SYNE1: variants seen among roughly 807,000 people sequenced by gnomAD.
SYNE1 encodes the protein spectrin repeat containing nuclear envelope protein 1, also known as nesprin-1.
In SYNE1, 616 loss-of-function variants were observed where a neutral mutation model predicts 1,111.0. The ratio of observed to expected loss-of-function variants is 0.55; its 90% CI spans 0.52 to 0.59. The LOEUF is 0.59. Among genes scored for constraint, SYNE1 ranks in the 20% least tolerant of loss-of-function variants. The pLI, the probability that SYNE1 is intolerant of heterozygous loss-of-function variation, is 0.00. For missense variants in SYNE1, 10,006 were observed against 10,417.0 expected (o/e 0.96, Z 1.72); for synonymous variants, 3,855 against 3,825.8 (o/e 1.01, Z -0.28).
chr6:152,375,383 C>T (rs866100124), intron 58 of SYNE1, among the ~76,000 whole-genome samples: 13 of 152,276 alleles, frequency 8.5e-5, no homozygotes, highest in South Asian at 8.3e-4. Flanking sequence ...ACTTCAAGCA[C>T]GAGTGCTTAC....
intron 59 of SYNE1, among the ~76,000 whole-genome samples, chr6:152,371,590 G>GGGGAGGAGAGGAGAGGGGAAA (rs1331574136): frequency 7.3e-6 from 1 of 137,080 alleles, no homozygotes; most frequent in Non-Finnish European, 1.6e-5. Flanking sequence ...TGAGAGGGGA[G>GGGGAGGAGAGGAGAGGGGAAA]GGGAGGAGAG....
chr6:152,166,103 T>C (rs2153043825), intron 130 of SYNE1, among the ~76,000 whole-genome samples: 1 of 152,326 alleles, frequency 6.6e-6, no homozygotes, highest in Admixed American at 6.5e-5. Flanking sequence ...GGGATGGTAA[T>C]GTCATCAGGG....
At chr6:152,563,938 A>G (rs1329936173) in intron 3 of SYNE1, among the ~76,000 whole-genome samples, 2 of 151,908 alleles carry the variant, frequency 1.3e-5, no homozygotes, top group African/African-American at 4.9e-5. Flanking sequence ...AGAGAATCAC[A>G]CCATTTTTTT....
At chr6:152,521,263 CT>C (rs2099137785) in intron 5 of SYNE1, among the ~76,000 whole-genome samples, 1 of 152,112 alleles carries the variant, frequency 6.6e-6, no homozygotes, top group Non-Finnish European at 1.5e-5. Flanking sequence ...TACTCTTCTT[CT>C]GATATGAATG....
intron 106 of SYNE1, among the ~76,000 whole-genome samples, chr6:152,243,876 G>T (rs186014897): frequency 8.9e-4 from 136 of 152,182 alleles, no homozygotes; most frequent in Non-Finnish European, 2.5e-4. Context: ...AATTTTGTTG[G>T]TCTAATATCC....
At chr6:152,423,839 G>C (rs559464700) in intron 39 of SYNE1, among the ~76,000 whole-genome samples, 4 of 152,038 alleles carry the variant, frequency 2.6e-5, no homozygotes, top group Admixed American at 2.6e-4. Flanking sequence ...TGCCATTTTT[G>C]CTCCCTTTGC....
chr6:152,429,842 G>T (rs1306822287), intron 36 of SYNE1, among the ~76,000 whole-genome samples: 1 of 152,084 alleles, frequency 6.6e-6, no homozygotes, highest in Non-Finnish European at 1.5e-5. Context: ...TTAAAGCTAA[G>T]CTCTAAAAAT....
intron 55 of SYNE1, among the ~76,000 whole-genome samples, chr6:152,382,025 C>T (rs1268066546): frequency 6.6e-6 from 1 of 152,130 alleles, no homozygotes; most frequent in Non-Finnish European, 1.5e-5. Context: ...AGAAATTTAA[C>T]AGTTTAGCTA....
At chr6:152,427,844 T>C in intron 37 of SYNE1, 28 bp from the exon 38 acceptor site, 1 of 1,613,778 alleles carries the variant, frequency 6.2e-7, no homozygotes, top group Non-Finnish European at 8.5e-7. Flanking sequence ...CAGAAACAAA[T>C]TTATTGAAAA....
At chr6:152,181,900 A>G (rs184445212) in intron 128 of SYNE1, among the ~76,000 whole-genome samples, 6 of 152,336 alleles carry the variant, frequency 3.9e-5, no homozygotes, top group Non-Finnish European at 8.8e-5. Flanking sequence ...CACCAGTAGT[A>G]GGATTCCAAT....
intron 14 of SYNE1, among the ~76,000 whole-genome samples, chr6:152,479,496 T>G (rs534330926): frequency 5.3e-5 from 8 of 152,286 alleles, no homozygotes; most frequent in Non-Finnish European, 1.0e-4. Flanking sequence ...TGGTCACATT[T>G]TAAGCCTAGT....
chr6:152,626,740 TG>T (rs1323302481), intron 3 of SYNE1, among the ~76,000 whole-genome samples: 1 of 151,860 alleles, frequency 6.6e-6, no homozygotes, highest in African/African-American at 2.4e-5. Context: ...TAAACACGAG[TG>T]GGGGGTCACT....
chr6:152,234,787 A>T lies in SYNE1; in HGVS notation c.20410T>A (p.Ser6804Thr), dbSNP rs200574465. 1.2e-6 allele frequency: 2 copies of T among 1,614,174 alleles called. No homozygotes were observed. Among genetic ancestry groups the T allele is most frequent in the East Asian group, 4.5e-5 (2 of 44,884 alleles). Reference protein sequence around the residue: ...LKHWTRYQSESADLIHWLQSA... With the variant: ...LKHWTRYQSETADLIHWLQSA... ...TGTAACCAGTGAATTAGATCTGCAG[A>T]TTCACTTTGATATCTGTTAAGTATA... The change falls in exon 111 of 146, where the codon TCT becomes ACT. Residue 6804 changes from serine (S) to threonine (T), a missense_variant. By Grantham distance (58) the Ser-to-Thr change is moderately conservative. Transcript: ENST00000367255.
At chr6:152,311,933 G>A (rs557074041) in intron 87 of SYNE1, among the ~76,000 whole-genome samples, 2 of 151,928 alleles carry the variant, frequency 1.3e-5, no homozygotes, top group African/African-American at 4.8e-5. Flanking sequence ...CCAGGTGCCC[G>A]CCACCACGCC....
At chr6:152,566,247 G>A (rs1159609303) in intron 3 of SYNE1, among the ~76,000 whole-genome samples, 2 of 152,066 alleles carry the variant, frequency 1.3e-5, no homozygotes, top group Admixed American at 6.6e-5. Flanking sequence ...AAGGGATGAC[G>A]CAAGGTAACA....
chr6:152,365,637 T>G (rs2047078288), intron 62 of SYNE1, among the ~76,000 whole-genome samples: 1 of 151,794 alleles, frequency 6.6e-6, no homozygotes, highest in Non-Finnish European at 1.5e-5. Flanking sequence ...TTTAAATGTT[T>G]TTTTTTTTTT....
chr6:152,632,211 T>C (rs1389577566), intron 2 of SYNE1, among the ~76,000 whole-genome samples: 2 of 152,174 alleles, frequency 1.3e-5, no homozygotes, highest in African/African-American at 2.4e-5. Flanking sequence ...CCTGACCACA[T>C]CCTAGGCCCC....
chr6:152,520,463 C>G lies in SYNE1; in HGVS notation c.305G>C (p.Arg102Thr). The change falls in exon 6 of 146, where the codon AGA becomes ACA. Residue 102 changes from arginine (R) to threonine (T), a missense_variant. By Grantham distance (71) the Arg-to-Thr change is moderately conservative (BLOSUM62 -1). Around this residue, in one of 7 missense-constraint regions of SYNE1, gnomAD observed 1,971 missense variants for 2,084.1 expected, o/e 0.95. Transcript: ENST00000367255. The part of the protein sequence containing the change: ...IGTALKFLEG[R>T]KIKLVNINST... ...TTGTTTTTGTTTCTCTCTTACCTTTCTTCCTTCGAGGAACTTGAGTGCCGT... is the reference window on the plus strand; with the variant it reads ...TTGTTTTTGTTTCTCTCTTACCTTTGTTCCTTCGAGGAACTTGAGTGCCGT... The G allele has an allele frequency of 6.2e-7, 1 of 1,613,466 alleles. No homozygotes were observed. Among genetic ancestry groups the G allele is most frequent in the South Asian group, 1.1e-5 (1 of 91,068 alleles).
intron 33 of SYNE1, chr6:152,435,059 C>G (rs17082676): frequency 2.0e-5 from 3 of 151,790 alleles, no homozygotes; most frequent in Non-Finnish European, 2.9e-5. Flanking sequence ...ATATAAAGTC[C>G]TCAAAATTTC....
Sources: gnomAD v4.1 joint callset for allele counts (sites outside exome capture counted in the v4.1 genomes callset) on GRCh38, gnomAD v4.1.1 for gene constraint, gnomAD v4.1.1 regional missense constraint, MANE v1.5 for transcripts, NCBI Gene and HGNC (gene_info 2026-07-23, HGNC 2026-07-21) for gene names.